The following ATP9A variants were observed in gnomAD, a reference collection of about 807,000 sequenced individuals.
ATP9A encodes ATPase phospholipid transporting 9A.
In ATP9A, 52 loss-of-function variants were observed where a neutral mutation model predicts 144.1. That is an observed-to-expected ratio of 0.36 (90% CI 0.29 to 0.45). ATP9A has a LOEUF of 0.45. Ranked by LOEUF, ATP9A falls within the 20% of genes least tolerant of loss-of-function variation. The pLI is 1.00. For synonymous variants in ATP9A, 582 were observed against 557.4 expected (o/e 1.04, Z -0.62); for missense variants, 947 against 1,392.7 (o/e 0.68, Z 5.09).
intron 9 of ATP9A, among the ~76,000 whole-genome samples, chr20:51,688,463 G>C (rs1451609229): frequency 6.6e-6 from 1 of 152,048 alleles, no homozygotes; most frequent in Admixed American, 6.6e-5. Flanking sequence ...GTGGTGGTGC[G>C]GGCCTATAAT....
At chr20:51,716,940 G>T (rs933436244) in intron 3 of ATP9A, among the ~76,000 whole-genome samples, 2 of 152,222 alleles carry the variant, frequency 1.3e-5, no homozygotes, top group African/African-American at 4.8e-5. Flanking sequence ...TCGGGAGGCC[G>T]AGGTGGGCGG....
intron 9 of ATP9A, among the ~76,000 whole-genome samples, chr20:51,683,524 C>T (rs2077509607): frequency 6.6e-6 from 1 of 152,062 alleles, no homozygotes; most frequent in African/African-American, 2.4e-5. Flanking sequence ...CATTGTGATC[C>T]ACCCGCCTCA....
At chr20:51,652,502 C>T (rs1175105266) in intron 14 of ATP9A, among the ~76,000 whole-genome samples, 1 of 152,194 alleles carries the variant, frequency 6.6e-6, no homozygotes, top group Non-Finnish European at 1.5e-5. Flanking sequence ...TTCAAAGGCA[C>T]GATTCTAGAG....
intron 3 of ATP9A, among the ~76,000 whole-genome samples, chr20:51,721,629 T>C (rs370041962): frequency 5.5e-4 from 84 of 151,542 alleles, no homozygotes; most frequent in African/African-American, 1.9e-3. Context: ...TGAAACCCCC[T>C]CTCTACTAAA....
intron 3 of ATP9A, among the ~76,000 whole-genome samples, chr20:51,724,055 C>A (rs1356417777): frequency 6.6e-6 from 1 of 151,904 alleles, no homozygotes; most frequent in African/African-American, 2.4e-5. Flanking sequence ...CCTGTAATCC[C>A]AGCTACTCGG....
At chr20:51,663,590 C>T (rs924801929) in intron 13 of ATP9A, among the ~76,000 whole-genome samples, 1 of 151,902 alleles carries the variant, frequency 6.6e-6, no homozygotes, top group Non-Finnish European at 1.5e-5. Flanking sequence ...GTCAGGAGAT[C>T]AAGACCATCC....
intron 1 of ATP9A, among the ~76,000 whole-genome samples, chr20:51,755,701 C>T (rs909646268): frequency 2.6e-5 from 4 of 152,050 alleles, no homozygotes; most frequent in East Asian, 1.9e-4. Flanking sequence ...CGGTGGCTCA[C>T]GCCTGTAATC....
intron 5 of ATP9A, among the ~76,000 whole-genome samples, chr20:51,696,859 A>G (rs1022655414): frequency 1.3e-5 from 2 of 152,226 alleles, no homozygotes; most frequent in African/African-American, 2.4e-5. Flanking sequence ...GCCACCCCTC[A>G]AAATCCAATA....
chr20:51,623,801 A>AAAAAAAAAAAAGAAAG (rs558189054), intron 18 of ATP9A, among the ~76,000 whole-genome samples: 2 of 133,390 alleles, frequency 1.5e-5, no homozygotes, highest in African/African-American at 3.0e-5. Flanking sequence ...AAAAAAAAAA[A>AAAAAAAAAAAAGAAAG]AAAGAAAGAA....
chr20:51,725,210 C>G (rs938760945), intron 3 of ATP9A, among the ~76,000 whole-genome samples: 1 of 152,154 alleles, frequency 6.6e-6, no homozygotes, highest in Non-Finnish European at 1.5e-5. Flanking sequence ...GCAACCTCTG[C>G]CTCTCAGGTT....
chr20:51,760,675 A>G (rs6096566), intron 1 of ATP9A, among the ~76,000 whole-genome samples: 97,093 of 147,892 alleles, frequency 0.66, 32,450 homozygotes, highest in African/African-American at 0.77. Context: ...GCAGTGAGCC[A>G]AGATCACGCC....
At chr20:51,606,873 C>T (rs1472052573) in intron 26 of ATP9A, among the ~76,000 whole-genome samples, 1 of 151,490 alleles carries the variant, frequency 6.6e-6, no homozygotes, top group African/African-American at 2.4e-5. Flanking sequence ...GTGAGACCCT[C>T]CGCCACCCAG....
chr20:51,733,932 C>A (rs1424497579), intron 1 of ATP9A, among the ~76,000 whole-genome samples: 1 of 152,022 alleles, frequency 6.6e-6, no homozygotes, highest in South Asian at 2.1e-4. Context: ...CCTTTGCCTC[C>A]CAAAGTGGTG....
chr20:51,748,455 G>A (rs772768648), intron 1 of ATP9A, among the ~76,000 whole-genome samples: 2 of 152,224 alleles, frequency 1.3e-5, no homozygotes, highest in Non-Finnish European at 2.9e-5. Context: ...ATCTGATTCT[G>A]CAAGACAAAG....
intron 27 of ATP9A, among the ~76,000 whole-genome samples, chr20:51,603,811 T>TAC (rs2077152539): frequency 6.6e-6 from 1 of 152,004 alleles, no homozygotes; most frequent in South Asian, 2.1e-4. Flanking sequence ...AATGGAGTCT[T>TAC]ACTCTGTCGC....
chr20:51,687,550 G>C (rs896731610), intron 9 of ATP9A, among the ~76,000 whole-genome samples: 2 of 152,172 alleles, frequency 1.3e-5, no homozygotes, highest in Non-Finnish European at 2.9e-5. Flanking sequence ...GATCACTTGA[G>C]TCTGAGAGTT....
At chr20:51,638,233 C>G (rs1015984350) in intron 15 of ATP9A, among the ~76,000 whole-genome samples, 5 of 146,860 alleles carry the variant, frequency 3.4e-5, no homozygotes, top group African/African-American at 1.3e-4. Context: ...GTATCTCTTT[C>G]CTCCATGAGG....
chr20:51,683,528 C>G (rs888328696), intron 9 of ATP9A, among the ~76,000 whole-genome samples: 2 of 152,074 alleles, frequency 1.3e-5, no homozygotes, highest in African/African-American at 4.8e-5. Context: ...GTGATCCACC[C>G]GCCTCAGCCT....
chr20:51,647,177 C>G (rs984287220), intron 14 of ATP9A, among the ~76,000 whole-genome samples: 10 of 152,024 alleles, frequency 6.6e-5, no homozygotes, highest in Non-Finnish European at 8.8e-5. Context: ...AATTGAACTT[C>G]CTATCACTTG....
Sources: gnomAD v4.1 joint callset for allele counts (sites outside exome capture counted in the v4.1 genomes callset) on GRCh38, gnomAD v4.1.1 for gene constraint, MANE v1.5 for transcripts, NCBI Gene and HGNC (gene_info 2026-07-23, HGNC 2026-07-21) for gene names.